Variants in CAPN1 observed in about 807,000 individuals in gnomAD.
CAPN1 encodes calpain-1 catalytic subunit.
A neutral mutation model predicts 105.2 loss-of-function variants in CAPN1; 77 were observed. The ratio of observed to expected loss-of-function variants is 0.73; its 90% CI spans 0.61 to 0.88. The LOEUF is 0.88. CAPN1 is among the 40% of genes least tolerant of loss of function. The pLI, the probability that CAPN1 is intolerant of heterozygous loss-of-function variation, is 0.00. For missense variants in CAPN1, 833 were observed against 976.6 expected (o/e 0.85, Z 1.96); for synonymous variants, 355 against 388.8 (o/e 0.91, Z 1.02).
At chr11:65,194,920 T>C (rs1745471196) in intron 10 of CAPN1, among the ~76,000 whole-genome samples, 1 of 152,102 alleles carries the variant, frequency 6.6e-6, no homozygotes, top group African/African-American at 2.4e-5. Flanking sequence ...GGTAATTCCA[T>C]GTTTAATTTT....
chr11:65,194,005 C>A (rs1948757562), intron 10 of CAPN1, among the ~76,000 whole-genome samples: 1 of 135,568 alleles, frequency 7.4e-6, no homozygotes, highest in Admixed American at 7.9e-5. Context: ...CTCACTCTGT[C>A]ACCTCGGCTG....
chr11:65,183,186 A>G lies in CAPN1; in HGVS notation c.326A>G (p.Gln109Arg). ...GGAGCTACCCGCACAGACATCTGCC[A>G]GGGAGCACTGGGTAGGCCCCCAGGG... ...VDGATRTDICQGALGDCWLLA... is the reference protein window; with the variant it reads ...VDGATRTDICRGALGDCWLLA... Residue 109 changes from glutamine to arginine, a missense_variant, in exon 3 of 22, where the codon CAG (glutamine) becomes CGG (arginine). Coordinates refer to ENST00000279247, the MANE Select transcript of CAPN1 (RefSeq NM_005186.4). 6.2e-7 allele frequency: 1 copy of G among 1,613,914 alleles called. No individual in the cohort carries two copies. Among genetic ancestry groups the G allele is most frequent in the Non-Finnish European group, 8.5e-7 (1 of 1,179,816 alleles).
intron 1 of CAPN1, chr11:65,182,345 G>C (rs976748400): frequency 3.2e-5 from 7 of 218,988 alleles, no homozygotes; most frequent in Non-Finnish European, 4.5e-5. Context: ...CTGTGAACAG[G>C]ATCAAAGAGG....
chr11:65,211,476 C>T lies in CAPN1; in HGVS notation c.*190C>T, dbSNP rs912489309. ...TGCTCCGGGCAGAACTGTGTGGCCC[C>T]TGCCTGTGCCAGCCATGGGCTCGGG... On this transcript the variant is annotated 3_prime_UTR_variant, in exon 22 of 22. Transcript: ENST00000279247. 1 of 619,100 alleles carries T rather than the reference C, an allele frequency of 1.6e-6. No homozygotes were observed. Among genetic ancestry groups the T allele is most frequent in the Non-Finnish European group, 2.9e-6 (1 of 343,122 alleles). 38.4% of individuals were successfully genotyped at this position (619,100 alleles called of 1,614,324 possible).
chr11:65,204,046 C>T (rs938098110), intron 10 of CAPN1, among the ~76,000 whole-genome samples: 1 of 152,174 alleles, frequency 6.6e-6, no homozygotes, highest in Admixed American at 6.5e-5. Flanking sequence ...CCCTGCCTTC[C>T]CTTGCTGGCT....
At chr11:65,197,895 A>AAG (rs922057449) in intron 10 of CAPN1, among the ~76,000 whole-genome samples, 2 of 151,184 alleles carry the variant, frequency 1.3e-5, no homozygotes, top group African/African-American at 2.4e-5. Context: ...TCTGAAAAAA[A>AAG]AAAAAAAAAA....
chr11:65,210,172 T>A lies in CAPN1; in HGVS notation c.1942+76T>A. The A allele has an allele frequency of 7.6e-7, 1 of 1,309,086 alleles. No homozygotes were observed. Among genetic ancestry groups the A allele is most frequent in the Non-Finnish European group, 1.1e-6 (1 of 905,636 alleles). The allele number at this position is 1,309,086 out of a possible 1,614,324, so 81.1% of individuals were successfully genotyped here. On this transcript the variant is annotated intron_variant, in intron 19 of 21. Transcript: ENST00000279247. This position sits in a 1 kb window ranked among gnomAD's most constrained non-coding sequence, Gnocchi z 4.3. ...ACTGCTCCTATGCCCCAGGCCCTTG[T>A]CCCTGGGGTGCTAGTGGTGACATGG... is the stretch of plus-strand genomic sequence containing the variant.
At chr11:65,205,793 A>G in intron 12 of CAPN1, 72 bp downstream of exon 12, 1 of 1,418,816 alleles carries the variant, frequency 7.0e-7, no homozygotes, top group Non-Finnish European at 1.0e-6. Flanking sequence ...ACCCAGTGGC[A>G]AACCCACCCT....
intron 10 of CAPN1, among the ~76,000 whole-genome samples, chr11:65,196,075 C>G (rs1335918978): frequency 6.6e-6 from 1 of 151,852 alleles, no homozygotes; most frequent in Non-Finnish European, 1.5e-5. Context: ...AGTGATGTCC[C>G]TCTTTAATTC....
intron 10 of CAPN1, among the ~76,000 whole-genome samples, chr11:65,192,226 C>A (rs983205692): frequency 2.0e-5 from 3 of 152,058 alleles, no homozygotes; most frequent in African/African-American, 7.3e-5. Context: ...CAGAACATGA[C>A]CCCATTTAAA....
rs1948916528 is a variant in CAPN1, at chr11:65,204,275, A to G, written c.1166-408A>G. Among the ~76,000 whole-genome samples, 2 of 151,982 alleles carry G rather than the reference A, an allele frequency of 1.3e-5. 1 individual carries two copies. Among genetic ancestry groups the G allele is most frequent in the Non-Finnish European group, 2.9e-5 (2 of 68,000 alleles). Reference sequence around the variant, plus strand: ...CTCCCTGGGTCTCCGTGTTTCCTAGAGCCTCCGTAAGTGCTCCCTGTCCGC... The same window carrying G: ...CTCCCTGGGTCTCCGTGTTTCCTAGGGCCTCCGTAAGTGCTCCCTGTCCGC... On this transcript the variant is annotated intron_variant, in intron 10 of 21. Coordinates refer to ENST00000279247, the MANE Select transcript of CAPN1 (RefSeq NM_005186.4).
In CAPN1 at chr11:65,188,536, A is replaced by G. The variant is rs1948672299; in HGVS notation, c.1004+48A>G. 1 of 1,613,224 alleles carries G rather than the reference A, an allele frequency of 6.2e-7. No individual in the cohort carries two copies. Among genetic ancestry groups the G allele is most frequent in the Non-Finnish European group, 8.5e-7 (1 of 1,179,414 alleles). ...CCCCACCTCTCCACCCCTACACATC[A>G]GCTCTGTGCCCTGACGGGCTGTGCC... On this transcript the variant is annotated intron_variant, in intron 9 of 21. Coordinates refer to ENST00000279247, the MANE Select transcript of CAPN1 (RefSeq NM_005186.4). The surrounding 1 kb of genome is among the most constrained non-coding windows in gnomAD (Gnocchi z 5.5).
intron 1 of CAPN1, chr11:65,182,495 TG>T (rs1275935845): frequency 2.3e-5 from 13 of 559,956 alleles, no homozygotes; most frequent in African/African-American, 2.1e-4. Flanking sequence ...CCGGCACGCC[TG>T]GGAACTGGGA....
At position 65,210,703 on chromosome 11, in the gene CAPN1, C is replaced by A. The variant is rs143084028; in HGVS notation, c.2060-111C>A. ...CCCAGCTTCAAGGGGTGTCAGCTTG[C>A]GGTACTGTGGGGAGGTAGAGAGGGA... On this transcript the variant is annotated intron_variant, in intron 20 of 21. Coordinates refer to ENST00000279247, the MANE Select transcript of CAPN1 (RefSeq NM_005186.4). This position sits in a 1 kb window ranked among gnomAD's most constrained non-coding sequence, Gnocchi z 4.3. The A allele has an allele frequency of 1.1e-6, 1 of 886,148 alleles. No individual in the cohort carries two copies. Among genetic ancestry groups the A allele is most frequent in the Non-Finnish European group, 1.9e-6 (1 of 522,846 alleles). The allele number at this position is 886,148 out of a possible 1,614,324, so 54.9% of individuals were successfully genotyped here.
chr11:65,206,158 C>G (rs533740101), intron 12 of CAPN1: 1 of 549,712 alleles, frequency 1.8e-6, no homozygotes, highest in Admixed American at 3.2e-5. Context: ...GCCGAGTACC[C>G]TGCAGTACCT....
chr11:65,209,549 G>A lies in CAPN1; in HGVS notation c.1794+162G>A, dbSNP rs1949013012. 1.4e-6 allele frequency: 1 copy of A among 697,076 alleles called. No individual in the cohort carries two copies. Among genetic ancestry groups the A allele is most frequent in the African/African-American group, 1.8e-5 (1 of 56,238 alleles). 43.2% of individuals were successfully genotyped at this position (697,076 alleles called of 1,614,324 possible). A position where few individuals can be genotyped will look rare whatever the true frequency, so the allele number is the denominator to read the frequency against. On this transcript the variant is annotated intron_variant, in intron 17 of 21. Transcript: ENST00000279247. The surrounding 1 kb of genome is among the most constrained non-coding windows in gnomAD (Gnocchi z 4.1). Reference sequence around the variant, plus strand: ...TGTCTCCCTGGACGTCTTCCTGTTGGTTGGGAGGGAGAAACTGAGGCACAG... The same window carrying A: ...TGTCTCCCTGGACGTCTTCCTGTTGATTGGGAGGGAGAAACTGAGGCACAG...
intron 10 of CAPN1, among the ~76,000 whole-genome samples, chr11:65,202,339 A>G (rs572674411): frequency 7.2e-5 from 11 of 152,326 alleles, no homozygotes; most frequent in African/African-American, 2.6e-4. Flanking sequence ...CTTAATTCAC[A>G]TACCATACAA....
At position 65,210,010 on chromosome 11, in the gene CAPN1, C is replaced by T; in HGVS notation, c.1864-8C>T. On this transcript the variant is annotated splice_region_variant and splice_polypyrimidine_tract_variant and intron_variant, in intron 18 of 21. Coordinates refer to ENST00000279247, the MANE Select transcript of CAPN1 (RefSeq NM_005186.4). The surrounding 1 kb of genome is among the most constrained non-coding windows in gnomAD (Gnocchi z 4.3). ...CAGCCTGGCCCTCACCCTCTGCCGC[C>T]ACCTCAGTCCATCTTCCGGAAGTTT... 2 of 1,613,194 alleles carry T rather than the reference C, an allele frequency of 1.2e-6. No individual in the cohort carries two copies.
At chr11:65,193,962 A>ATTTTTTTTT (rs60784154) in intron 10 of CAPN1, among the ~76,000 whole-genome samples, 1 of 76,204 alleles carries the variant, frequency 1.3e-5, no homozygotes, top group Non-Finnish European at 2.5e-5. Flanking sequence ...CTTTGGATTG[A>ATTTTTTTTT]TTTTTTTTTT....
Sources: gnomAD v4.1 joint callset for allele counts (sites outside exome capture counted in the v4.1 genomes callset) on GRCh38, gnomAD v4.1.1 for gene constraint, Gnocchi (gnomAD v3.1) non-coding constraint, MANE v1.5 for transcripts, NCBI Gene and HGNC (gene_info 2026-07-23, HGNC 2026-07-21) for gene names.